The following ITPR1 variants were observed in gnomAD, a reference collection of about 807,000 sequenced individuals.
The protein encoded by ITPR1 is inositol 1,4,5-trisphosphate receptor type 1.
ITPR1 carries 96 observed loss-of-function variants against 318.4 expected under a neutral mutation model. The ratio of observed to expected loss-of-function variants is 0.30; its 90% CI spans 0.26 to 0.36. The LOEUF (loss-of-function observed/expected upper bound fraction) is 0.36, where lower values mean the gene tolerates loss of function less well. ITPR1 is among the 10% of genes least tolerant of loss of function. ITPR1 has a pLI of 1.00. For synonymous variants in ITPR1, 1,312 were observed against 1,289.9 expected, an observed-to-expected ratio of 1.02 and a Z score of -0.37; for missense variants, 2,440 against 3,460.2, an observed-to-expected ratio of 0.71 and a Z score of 7.40.
rs528710591 is a variant in ITPR1, at chr3:4,697,483, G to T, written c.4407+211G>T. On this transcript the variant is annotated intron_variant, in intron 34 of 61. Transcript: ENST00000649015. ...TTTTTTTTTTTTGAGCTGGAGTCTT[G>T]CTCTGTTACCTAGGCTGGAGTGCAG... Among the ~76,000 whole-genome samples the T allele has an allele frequency of 1.3e-4, 9 of 70,876 alleles. No individual in the cohort carries two copies. In the South Asian group the frequency reaches 2.9e-3, roughly 23 times the overall value. 46.5% of individuals were successfully genotyped at this position (70,876 alleles called of 152,430 possible). A position where few individuals can be genotyped will look rare whatever the true frequency, so the allele number is the denominator to read the frequency against.
rs767205442 is a variant in ITPR1 at position 4,667,373 on chromosome 3, A to G, written c.1714-4A>G. 31 of 1,597,438 alleles carry G rather than the reference A, an allele frequency of 1.9e-5. No homozygotes were observed. Among genetic ancestry groups the G allele is most frequent in the Non-Finnish European group, 1.8e-5 (21 of 1,170,510 alleles). ...ACTGACGTCTCTTTTCTCTCCTTATAAAGGAGTATATAGCCAAGCAGTTTG... is the reference window on the plus strand; with the variant it reads ...ACTGACGTCTCTTTTCTCTCCTTATGAAGGAGTATATAGCCAAGCAGTTTG... On this transcript the variant is annotated splice_region_variant and splice_polypyrimidine_tract_variant and intron_variant, in intron 17 of 61. Coordinates refer to ENST00000649015, the MANE Select transcript of ITPR1 (RefSeq NM_001378452.1).
At chr3:4,590,835 G>T (rs2090341125) in intron 4 of ITPR1, among the ~76,000 whole-genome samples, 1 of 152,064 alleles carries the variant, frequency 6.6e-6, no homozygotes, top group Non-Finnish European at 1.5e-5. Context: ...CAGGTATTAA[G>T]CTCAGTACCC....
intron 7 of ITPR1, 128 bp from the exon 8 acceptor site, chr3:4,644,008 T>G: frequency 1.5e-6 from 1 of 662,746 alleles, no homozygotes. Context: ...GTGCTACATC[T>G]TTATACTTGC....
rs774524152 is a variant in ITPR1 at position 4,814,398 on chromosome 3, C to T, written c.7562-25C>T. 2.1e-5 allele frequency: 34 copies of T among 1,613,468 alleles called. No homozygotes were observed. In the East Asian group the frequency reaches 7.1e-4, roughly 34 times the overall value. On this transcript the variant is annotated intron_variant, in intron 57 of 61. Coordinates refer to ENST00000649015, the MANE Select transcript of ITPR1 (RefSeq NM_001378452.1). The stretch of plus-strand genomic sequence containing the variant: ...TCTCTTTTCTCCTCACGTTTTCTCT[C>T]TGTTGTTACTTGCCGTGTTCACAGA...
chr3:4,734,845 C>T (rs2043164249), intron 43 of ITPR1, among the ~76,000 whole-genome samples: 1 of 152,212 alleles, frequency 6.6e-6, no homozygotes, highest in South Asian at 2.1e-4. Context: ...AACTCTGCCA[C>T]AAGTAATTGT....
At chr3:4,605,829 G>A (rs771037033) in intron 4 of ITPR1, among the ~76,000 whole-genome samples, 6 of 152,120 alleles carry the variant, frequency 3.9e-5, no homozygotes, top group Admixed American at 6.5e-5. Context: ...GGCCTTTCCT[G>A]GTCTTCTGGT....
At chr3:4,629,824 G>C (rs1410428843) in intron 5 of ITPR1, among the ~76,000 whole-genome samples, 1 of 152,224 alleles carries the variant, frequency 6.6e-6, no homozygotes, top group East Asian at 1.9e-4. Context: ...CCTGGAGGAA[G>C]AAGGAAGTGC....
intron 55 of ITPR1, among the ~76,000 whole-genome samples, chr3:4,810,709 T>G (rs2048884247): frequency 6.6e-6 from 1 of 152,156 alleles, no homozygotes; most frequent in Non-Finnish European, 1.5e-5. Context: ...AGTCTGCAAA[T>G]GAGGAAATGG....
intron 4 of ITPR1, among the ~76,000 whole-genome samples, chr3:4,576,019 C>CAAAAA (rs35517382): frequency 1.2e-5 from 1 of 80,780 alleles, no homozygotes. Flanking sequence ...GATGCTGTCT[C>CAAAAA]AAAAAAAAAA....
intron 4 of ITPR1, among the ~76,000 whole-genome samples, chr3:4,525,679 A>G (rs1405647748): frequency 6.6e-6 from 1 of 152,220 alleles, no homozygotes; most frequent in African/African-American, 2.4e-5. Flanking sequence ...CCCAACATCC[A>G]TGGAAGGTAA....
chr3:4,816,915 T>A (rs925740589), intron 59 of ITPR1, among the ~76,000 whole-genome samples: 1 of 152,216 alleles, frequency 6.6e-6, no homozygotes, highest in Admixed American at 6.5e-5. Flanking sequence ...CTTTATTGGC[T>A]TTTTATTGTA....
rs1574962374 is a variant in ITPR1 at position 4,710,198 on chromosome 3, AC to A, written c.4843-126del. On this transcript the variant is annotated intron_variant, in intron 37 of 61. Coordinates refer to ENST00000649015, the MANE Select transcript of ITPR1 (RefSeq NM_001378452.1). The surrounding 1 kb of genome is among the most constrained non-coding windows in gnomAD (Gnocchi z 4.2). ...AATGTCTAATAATTTGAGATGCCAG[AC>A]GGTACTAAAGTTACTCTAACCTAGC... 5 of 771,684 alleles carry A rather than the reference AC, an allele frequency of 6.5e-6. No individual in the cohort carries two copies. In the East Asian group the frequency reaches 1.6e-4, roughly 24 times the overall value. The allele number at this position is 771,684 out of a possible 1,614,324, so 47.8% of individuals were successfully genotyped here. A position where few individuals can be genotyped will look rare whatever the true frequency, so the allele number is the denominator to read the frequency against.
intron 2 of ITPR1, among the ~76,000 whole-genome samples, chr3:4,511,306 C>A (rs1451746150): frequency 6.6e-6 from 1 of 152,140 alleles, no homozygotes; most frequent in African/African-American, 2.4e-5. Context: ...CCCTGCCCCC[C>A]CTTTTTTTTT....
At chr3:4,803,118 T>C (rs2048347295) in intron 54 of ITPR1, among the ~76,000 whole-genome samples, 1 of 152,166 alleles carries the variant, frequency 6.6e-6, no homozygotes, top group South Asian at 2.1e-4. Flanking sequence ...AAGTTGGAGC[T>C]GGAACAGGAG....
intron 13 of ITPR1, among the ~76,000 whole-genome samples, chr3:4,659,077 T>C (rs185159641): frequency 1.3e-5 from 2 of 152,318 alleles, no homozygotes; most frequent in East Asian, 3.9e-4. Flanking sequence ...ATCTTAAATG[T>C]TTAAGACACA....
chr3:4,503,961 A>G (rs563804277), intron 2 of ITPR1, among the ~76,000 whole-genome samples: 35 of 151,966 alleles, frequency 2.3e-4, no homozygotes, highest in Non-Finnish European at 4.3e-4. Flanking sequence ...TGGCCTTGGT[A>G]TCTGGAGCCC....
chr3:4,608,602 G>C (rs9874201), intron 4 of ITPR1, among the ~76,000 whole-genome samples: 19,098 of 151,958 alleles, frequency 0.13, 1,810 homozygotes, highest in East Asian at 0.44. Context: ...TTAGAACTAG[G>C]GAGTGGGGTG....
intron 44 of ITPR1, among the ~76,000 whole-genome samples, chr3:4,736,556 G>A (rs964900648): frequency 3.9e-5 from 6 of 152,338 alleles, no homozygotes; most frequent in Middle Eastern, 3.4e-3. Flanking sequence ...TCATTGTCAC[G>A]TGTTGCACCA....
At chr3:4,562,087 T>C (rs1259964307) in intron 4 of ITPR1, among the ~76,000 whole-genome samples, 2 of 148,906 alleles carry the variant, frequency 1.3e-5, no homozygotes, top group East Asian at 4.0e-4. Context: ...GCTTATGAGC[T>C]TAAATAAATA....
Sources: allele counts gnomAD v4.1 joint callset (sites outside exome capture counted in the v4.1 genomes callset), GRCh38; gene constraint gnomAD v4.1.1; non-coding constraint Gnocchi (gnomAD v3.1); transcripts MANE v1.5; gene names NCBI Gene and HGNC (gene_info 2026-07-23, HGNC 2026-07-21).